The following CNTNAP5 variants were observed in gnomAD, a reference collection of about 807,000 sequenced individuals.
CNTNAP5 encodes contactin associated protein family member 5.
A neutral mutation model predicts 150.2 loss-of-function variants in CNTNAP5; 72 were observed. The observed-to-expected ratio is 0.48, with a 90% CI of 0.40 to 0.58. The LOEUF is 0.58. CNTNAP5 is among the 20% of genes least tolerant of loss of function. The pLI, the probability that CNTNAP5 is intolerant of heterozygous loss-of-function variation, is 0.00. For synonymous variants in CNTNAP5, 672 were observed against 619.8 expected (o/e 1.08, Z -1.25); for missense variants, 1,636 against 1,626.2 (o/e 1.01, Z -0.10).
chr2:124,196,983 C>T (rs1685602615), intron 1 of CNTNAP5, among the ~76,000 whole-genome samples: 1 of 152,242 alleles, frequency 6.6e-6, no homozygotes, highest in Non-Finnish European at 1.5e-5. Flanking sequence ...TAGTAGCATG[C>T]ATCTCGTGTC....
chr2:124,380,783 C>A (rs935221865), intron 3 of CNTNAP5, among the ~76,000 whole-genome samples: 6 of 152,114 alleles, frequency 3.9e-5, no homozygotes, highest in Non-Finnish European at 8.8e-5. Context: ...GTTTTAGACT[C>A]TGGGGATAGA....
intron 13 of CNTNAP5, among the ~76,000 whole-genome samples, chr2:124,671,615 A>G (rs1026735923): frequency 5.9e-5 from 9 of 152,160 alleles, no homozygotes; most frequent in African/African-American, 1.2e-4. Flanking sequence ...GCTAACTTTA[A>G]TCTTAGAGAC....
intron 3 of CNTNAP5, among the ~76,000 whole-genome samples, chr2:124,326,679 C>G (rs933708062): frequency 6.6e-6 from 1 of 152,098 alleles, no homozygotes; most frequent in African/African-American, 2.4e-5. Context: ...AATCTCAGCA[C>G]TTTGGGAGGC....
intron 1 of CNTNAP5, among the ~76,000 whole-genome samples, chr2:124,198,824 G>A (rs538716056): frequency 3.7e-4 from 53 of 145,126 alleles, no homozygotes; most frequent in African/African-American, 1.3e-3. Context: ...ATTATTTTGT[G>A]TCTGGATGAG....
intron 1 of CNTNAP5, among the ~76,000 whole-genome samples, chr2:124,109,193 T>G (rs1683239513): frequency 6.6e-6 from 1 of 152,170 alleles, no homozygotes; most frequent in African/African-American, 2.4e-5. Context: ...TTGTGCTTTT[T>G]AACTGATGTC....
chr2:124,773,941 TGTGTGTGAGAGA>T (rs771475415), intron 17 of CNTNAP5, among the ~76,000 whole-genome samples: 1,630 of 145,672 alleles, frequency 0.011, 31 homozygotes, highest in African/African-American at 0.039. Context: ...TGTGTGTGTG[TGTGTGTGAGAGA>T]GAGAGAGAGA....
intron 1 of CNTNAP5, among the ~76,000 whole-genome samples, chr2:124,191,938 A>G (rs554985186): frequency 6.6e-6 from 1 of 152,056 alleles, no homozygotes; most frequent in South Asian, 2.1e-4. Flanking sequence ...AAAGAAAAAT[A>G]CAAAACTCTC....
chr2:124,592,917 T>C (rs943709014), intron 11 of CNTNAP5, among the ~76,000 whole-genome samples: 1 of 151,952 alleles, frequency 6.6e-6, no homozygotes, highest in Admixed American at 6.6e-5. Context: ...TTTTGTTTAT[T>C]GTATCTTTTG....
chr2:124,612,904 T>C lies in CNTNAP5; in HGVS notation c.1876+2984T>C, dbSNP rs559588829. Among the ~76,000 whole-genome samples the C allele has an allele frequency of 5.3e-5, 8 of 152,036 alleles. No individual in the cohort carries two copies. The South Asian group carries it at 1.7e-3, about 32-fold the overall frequency. On this transcript the variant is annotated intron_variant, in intron 12 of 23. Coordinates refer to ENST00000682447, the MANE Select transcript of CNTNAP5 (RefSeq NM_001367498.1). ...CCCATCTCTACTAAAAATACAAAAA[T>C]TAGCCAGGTATTGTGGTGCATGCAT...
At chr2:124,207,015 G>T (rs1435437256) in intron 1 of CNTNAP5, among the ~76,000 whole-genome samples, 1 of 152,150 alleles carries the variant, frequency 6.6e-6, no homozygotes, top group Non-Finnish European at 1.5e-5. Flanking sequence ...TGGCAAATAT[G>T]ATGTTTAGTA....
At chr2:124,834,955 C>G (rs1682798767) in intron 19 of CNTNAP5, among the ~76,000 whole-genome samples, 1 of 151,482 alleles carries the variant, frequency 6.6e-6, no homozygotes, top group South Asian at 2.1e-4. Flanking sequence ...AATGTATTGA[C>G]CCTTGGTTTA....
At chr2:124,284,710 T>G (rs1235003259) in intron 3 of CNTNAP5, among the ~76,000 whole-genome samples, 1 of 152,164 alleles carries the variant, frequency 6.6e-6, no homozygotes, top group Non-Finnish European at 1.5e-5. Context: ...TAATAGAGAC[T>G]AAACTCACAG....
chr2:124,862,624 G>C (rs903067109), intron 19 of CNTNAP5, among the ~76,000 whole-genome samples: 1 of 152,160 alleles, frequency 6.6e-6, no homozygotes, highest in Admixed American at 6.5e-5. Flanking sequence ...CTGAACCACT[G>C]GAGTGCACAG....
At chr2:124,601,535 A>G (rs1696983127) in intron 11 of CNTNAP5, among the ~76,000 whole-genome samples, 1 of 152,220 alleles carries the variant, frequency 6.6e-6, no homozygotes, top group African/African-American at 2.4e-5. Flanking sequence ...CAATTAAAGC[A>G]ATTAACCAAA....
intron 14 of CNTNAP5, among the ~76,000 whole-genome samples, chr2:124,752,887 G>A (rs1489879364): frequency 2.6e-5 from 4 of 152,104 alleles, no homozygotes; most frequent in Non-Finnish European, 4.4e-5. Context: ...AGCAAGAGGC[G>A]TCAAAGGCTG....
chr2:124,739,043 T>G (rs923742160), intron 13 of CNTNAP5, among the ~76,000 whole-genome samples: 2 of 152,144 alleles, frequency 1.3e-5, no homozygotes, highest in African/African-American at 4.8e-5. Context: ...ATCCCCATAG[T>G]CCATTCTAGA....
At chr2:124,239,599 T>C (rs1465664892) in intron 2 of CNTNAP5, among the ~76,000 whole-genome samples, 5 of 152,068 alleles carry the variant, frequency 3.3e-5, no homozygotes. Context: ...CAGAAGAGTA[T>C]AAAATCACTC....
rs181946782 is a variant in CNTNAP5, at chr2:124,280,528, G to A, written c.381+38135G>A. On this transcript the variant is annotated intron_variant, in intron 3 of 23. Transcript: ENST00000682447. ...CACCACCAGTGGCACAAGGCTGTTC[G>A]TTGTATAGAGTGAGATTTTGCTGAC... 2.3e-3 allele frequency among the ~76,000 whole-genome samples: 343 copies of A among 152,128 alleles called. 1 individual carries two copies. Among genetic ancestry groups the A allele is most frequent in the African/African-American group, 7.7e-3 (319 of 41,516 alleles).
rs1215035513 is a variant in CNTNAP5, at chr2:124,025,555, G to T, written c.-96G>T. The T allele has an allele frequency of 4.7e-6, 5 of 1,067,842 alleles. No individual in the cohort carries two copies. The highest frequency in any genetic ancestry group is 5.8e-6 in the Non-Finnish European group (4 of 689,812). The allele number at this position is 1,067,842 out of a possible 1,614,324, so 66.1% of individuals were successfully genotyped here. On this transcript the variant is annotated 5_prime_UTR_variant, in exon 1 of 24. Transcript: ENST00000682447. ...CCTCTCCAAGCGGGGGTGGGAGGGG[G>T]TCAGGCTGTGCAGAGGAGAGAGACA... is the stretch of plus-strand genomic sequence containing the variant.
Sources: gnomAD v4.1 joint callset for allele counts (sites outside exome capture counted in the v4.1 genomes callset) on GRCh38, gnomAD v4.1.1 for gene constraint, MANE v1.5 for transcripts, NCBI Gene and HGNC (gene_info 2026-07-23, HGNC 2026-07-21) for gene names.